Variants in CHL1 observed in about 807,000 individuals in gnomAD.
CHL1 encodes cell adhesion molecule L1 like, also known as neural cell adhesion molecule L1-like protein.
A neutral mutation model predicts 141.9 loss-of-function variants in CHL1; 96 were observed. The ratio of observed to expected loss-of-function variants is 0.68; its 90% CI spans 0.57 to 0.80. The LOEUF is 0.80. Among genes scored for constraint, CHL1 ranks in the 30% least tolerant of loss-of-function variants. The probability of loss-of-function intolerance (pLI) is 0.00; values close to 1 mark genes in which losing one functional copy is unlikely to be tolerated. For synonymous variants in CHL1, 613 were observed against 502.2 expected, an observed-to-expected ratio of 1.22 and a Z score of -2.95; for missense variants, 1,820 against 1,457.2, an observed-to-expected ratio of 1.25 and a Z score of -4.05.
At chr3:257,189 C>A (rs749859695) in intron 2 of CHL1, among the ~76,000 whole-genome samples, 6 of 152,038 alleles carry the variant, frequency 3.9e-5, no homozygotes, top group Non-Finnish European at 8.8e-5. Flanking sequence ...CATACGTAAT[C>A]TAAGATATAA....
At chr3:205,471 T>C (rs1699347066) in intron 1 of CHL1, among the ~76,000 whole-genome samples, 1 of 152,182 alleles carries the variant, frequency 6.6e-6, no homozygotes, top group Non-Finnish European at 1.5e-5. Flanking sequence ...TGAATTGTTT[T>C]TTAAGGAAAT....
At chr3:272,855 A>G (rs331856) in intron 2 of CHL1, among the ~76,000 whole-genome samples, 88,119 of 152,034 alleles carry the variant, frequency 0.58, 27,634 homozygotes, top group African/African-American at 0.83. Flanking sequence ...TTGGTGCTAG[A>G]GATAGAGAGG....
chr3:252,519 A>C (rs1385684011), intron 2 of CHL1, among the ~76,000 whole-genome samples: 1 of 151,338 alleles, frequency 6.6e-6, no homozygotes, highest in Non-Finnish European at 1.5e-5. Context: ...TTAAATAGGT[A>C]TACCAGGTGC....
At position 349,364 on chromosome 3, in the gene CHL1, C is replaced by G; in HGVS notation, c.854C>G (p.Thr285Ser). 6.2e-7 allele frequency: 1 copy of G among 1,611,106 alleles called. No homozygotes were observed. Among genetic ancestry groups the G allele is most frequent in the Non-Finnish European group, 8.5e-7 (1 of 1,178,960 alleles). The change falls in exon 10 of 28, where the codon ACT (threonine) becomes AGT (serine). Residue 285 changes from threonine to serine, a missense_variant. Coordinates refer to ENST00000256509, the MANE Select transcript of CHL1 (RefSeq NM_006614.4). ...LLECFAEGLP[T>S]PQVDWNKIGG... ...TATTTAACTATTTTTTGCAGGCCAACTCCACAGGTTGATTGGAACAAAATT... is the reference window on the plus strand; with the variant it reads ...TATTTAACTATTTTTTGCAGGCCAAGTCCACAGGTTGATTGGAACAAAATT...
intron 2 of CHL1, among the ~76,000 whole-genome samples, chr3:266,245 G>T (rs559320282): frequency 6.6e-6 from 1 of 152,246 alleles, no homozygotes; most frequent in East Asian, 1.9e-4. Context: ...AAAGGAACTT[G>T]GTCTAAACTT....
At chr3:200,692 A>G (rs1336885143) in intron 1 of CHL1, among the ~76,000 whole-genome samples, 1 of 152,168 alleles carries the variant, frequency 6.6e-6, no homozygotes, top group Admixed American at 6.5e-5. Flanking sequence ...CTATCATTTT[A>G]TGTCTATCTA....
At chr3:210,656 A>T (rs573297523) in intron 1 of CHL1, among the ~76,000 whole-genome samples, 1 of 152,374 alleles carries the variant, frequency 6.6e-6, no homozygotes, top group African/African-American at 2.4e-5. Context: ...CTTCTAGCAG[A>T]CAAGGTAGCA....
chr3:373,886 C>G (rs773683747), intron 15 of CHL1: 36 of 152,446 alleles, frequency 2.4e-4, no homozygotes, highest in African/African-American at 8.2e-4. Context: ...CTGCACCACA[C>G]TGTTCTTCCC....
chr3:401,587 T>C (rs1282313997), intron 26 of CHL1, 39 bp from the exon 27 acceptor site: 8 of 1,156,748 alleles, frequency 6.9e-6, no homozygotes, highest in Admixed American at 1.8e-5. Context: ...TTTTAAATGG[T>C]CACTGTATTA....
chr3:197,737 C>T (rs900215982), intron 1 of CHL1: 5 of 453,970 alleles, frequency 1.1e-5, no homozygotes, highest in African/African-American at 1.0e-4. Flanking sequence ...AGCTCCACCT[C>T]CCCAGACCGC....
intron 2 of CHL1, among the ~76,000 whole-genome samples, chr3:286,914 G>T (rs1050472462): frequency 1.3e-5 from 2 of 152,136 alleles, no homozygotes; most frequent in Non-Finnish European, 2.9e-5. Context: ...AATGAGCAGT[G>T]AGGACCACCA....
chr3:374,262 A>C (rs1241216681), intron 15 of CHL1, among the ~76,000 whole-genome samples: 1 of 152,074 alleles, frequency 6.6e-6, no homozygotes, highest in Non-Finnish European at 1.5e-5. Flanking sequence ...TATGTATTAC[A>C]ACCAGTTCTC....
chr3:243,109 G>A (rs1692822649), intron 1 of CHL1, among the ~76,000 whole-genome samples: 1 of 152,134 alleles, frequency 6.6e-6, no homozygotes, highest in East Asian at 1.9e-4. Flanking sequence ...CTTTATCACT[G>A]GGATAAAGAA....
At chr3:370,949 T>C (rs1349544464) in intron 15 of CHL1, among the ~76,000 whole-genome samples, 1 of 152,190 alleles carries the variant, frequency 6.6e-6, no homozygotes, top group South Asian at 2.1e-4. Context: ...CTAATTTGAT[T>C]GCATTGTGGT....
chr3:280,935 G>A (rs926196686), intron 2 of CHL1, among the ~76,000 whole-genome samples: 28 of 148,180 alleles, frequency 1.9e-4, no homozygotes, highest in Non-Finnish European at 2.2e-4. Context: ...ACACACACAC[G>A]CACACACAAC....
At position 391,043 on chromosome 3, in the gene CHL1, CTG is replaced by C; in HGVS notation, c.2676_2677del (p.Gly893AsnfsTer9). On this transcript the variant is annotated frameshift_variant, in exon 22 of 28. Transcript: ENST00000256509. LOFTEE classifies it high-confidence loss of function. ...CTAAGATTTTCAGGACAAAGAAACT[CTG>C]GAATGGTTCCTTCCTTAGATGCCTT... 6.2e-7 allele frequency: 1 copy of C among 1,613,776 alleles called. No homozygotes were observed.
Position 223,376 on chromosome 3 carries a change from T to G in CHL1, c.-174-21237T>G, listed in dbSNP as rs558984500. ...TTATCTTATGGAGGTAAGATGACTT[T>G]TGTGTGAGGACTATACCATCTTTTA... On this transcript the variant is annotated intron_variant, in intron 1 of 27. Transcript: ENST00000256509. 5.3e-5 allele frequency among the ~76,000 whole-genome samples: 8 copies of G among 152,334 alleles called. No homozygotes were observed. The South Asian group carries it at 1.0e-3, about 20-fold the overall frequency.
intron 1 of CHL1, chr3:197,689 G>A: frequency 2.4e-6 from 1 of 413,084 alleles, no homozygotes; most frequent in Non-Finnish European, 4.8e-6. Context: ...CCGTGGGGTT[G>A]TGGGGTTGGG....
At chr3:363,505 T>C in intron 14 of CHL1, 122 bp downstream of exon 14, 1 of 897,658 alleles carries the variant, frequency 1.1e-6, no homozygotes, top group Non-Finnish European at 1.7e-6. Flanking sequence ...GAACCGTTTT[T>C]CAAAATTCCT....
Sources: gnomAD v4.1 joint callset for allele counts (sites outside exome capture counted in the v4.1 genomes callset) on GRCh38, gnomAD v4.1.1 for gene constraint, MANE v1.5 for transcripts, NCBI Gene and HGNC (gene_info 2026-07-23, HGNC 2026-07-21) for gene names.